Variants in TERF1 observed in about 807,000 individuals in gnomAD.
TERF1 encodes the protein telomeric repeat-binding factor 1.
In TERF1, 20 loss-of-function variants were observed where a neutral mutation model predicts 55.1. That is an observed-to-expected ratio of 0.36 (90% confidence interval 0.26 to 0.53). The LOEUF (loss-of-function observed/expected upper bound fraction) is 0.53, where lower values mean the gene tolerates loss of function less well. Ranked by LOEUF, TERF1 falls within the 20% of genes least tolerant of loss-of-function variation. The probability of loss-of-function intolerance (pLI) is 0.91; values close to 1 mark genes in which losing one functional copy is unlikely to be tolerated. For missense variants in TERF1, 439 were observed against 535.7 expected (o/e 0.82, Z 1.78); for synonymous variants, 168 against 181.2 (o/e 0.93, Z 0.59).
At chr8:73,016,738 C>G (rs562556566) in intron 2 of TERF1, among the ~76,000 whole-genome samples, 1 of 152,104 alleles carries the variant, frequency 6.6e-6, no homozygotes, top group East Asian at 1.9e-4. Context: ...ATTGCATTGC[C>G]GTGGAACTCA....
intron 3 of TERF1, 138 bp from the exon 4 acceptor site, chr8:73,022,078 T>C (rs1808783893): frequency 1.9e-6 from 1 of 533,280 alleles, no homozygotes; most frequent in Non-Finnish European, 3.3e-6. Flanking sequence ...TTTTATATCT[T>C]TTATCAAATT....
intron 2 of TERF1, among the ~76,000 whole-genome samples, chr8:73,017,215 G>A (rs554639614): frequency 2.0e-4 from 31 of 152,292 alleles, no homozygotes; most frequent in Middle Eastern, 3.4e-3. Flanking sequence ...ATACTTATTT[G>A]AAAATGTGTG....
chr8:73,041,764 T>A (rs1327943877), intron 9 of TERF1, among the ~76,000 whole-genome samples: 1 of 152,154 alleles, frequency 6.6e-6, no homozygotes, highest in Non-Finnish European at 1.5e-5. Flanking sequence ...GGAATTTTTG[T>A]GTAATCTTTA....
chr8:73,032,916 C>T (rs561390105), intron 8 of TERF1, among the ~76,000 whole-genome samples: 21 of 151,450 alleles, frequency 1.4e-4, no homozygotes, highest in South Asian at 4.2e-4. Context: ...ATGTTCACAA[C>T]GTGCAGGTTT....
rs1810068988 is a variant in TERF1, at chr8:73,047,085, T to C, written c.*948T>C. 1 of 152,154 alleles carries C rather than the reference T, an allele frequency of 6.6e-6. No homozygotes were observed. The highest frequency in any genetic ancestry group is 2.4e-5 in the African/African-American group (1 of 41,418). The allele number at this position is 152,154 out of a possible 1,614,324, so 9.4% of individuals were successfully genotyped here. Reference sequence around the variant, plus strand: ...CTTACCTACTGGGGACTGTGCTCACTACCTGGGTGACAGGATCATACGTAC... The same window carrying C: ...CTTACCTACTGGGGACTGTGCTCACCACCTGGGTGACAGGATCATACGTAC... On this transcript the variant is annotated 3_prime_UTR_variant, in exon 10 of 10. Transcript: ENST00000276603.
chr8:73,047,605 G>T lies in TERF1; in HGVS notation c.*1468G>T. 6.6e-6 allele frequency: 1 copy of T among 152,110 alleles called. No individual in the cohort carries two copies. The highest frequency in any genetic ancestry group is 1.5e-5 in the Non-Finnish European group (1 of 68,016). 9.4% of individuals were successfully genotyped at this position (152,110 alleles called of 1,614,324 possible). A position where few individuals can be genotyped will look rare whatever the true frequency, so the allele number is the denominator to read the frequency against. On this transcript the variant is annotated 3_prime_UTR_variant, in exon 10 of 10. Transcript: ENST00000276603. Reference sequence around the variant, plus strand: ...ATTTAGCAAGTGAGTAAAAATATTGGAATATTGAAGTATTTGCATAAAAAA... The same window carrying T: ...ATTTAGCAAGTGAGTAAAAATATTGTAATATTGAAGTATTTGCATAAAAAA...
At position 73,046,927 on chromosome 8, in the gene TERF1, A is replaced by G. The variant is rs1252418224; in HGVS notation, c.*790A>G. ...GAATGATAAATGTACAGAGTAACCT[A>G]TAAGCATGACATACTTTTGCTTTCA... is the stretch of plus-strand genomic sequence containing the variant. On this transcript the variant is annotated 3_prime_UTR_variant, in exon 10 of 10. Coordinates refer to ENST00000276603, the MANE Select transcript of TERF1 (RefSeq NM_017489.3). 6.6e-6 allele frequency: 1 copy of G among 152,212 alleles called. No individual in the cohort carries two copies. Among genetic ancestry groups the G allele is most frequent in the Non-Finnish European group, 1.5e-5 (1 of 68,046 alleles). The allele number at this position is 152,212 out of a possible 1,614,324, so 9.4% of individuals were successfully genotyped here. A position where few individuals can be genotyped will look rare whatever the true frequency, so the allele number is the denominator to read the frequency against.
chr8:73,011,901 T>C (rs1808296815), intron 1 of TERF1: 1 of 152,188 alleles, frequency 6.6e-6, no homozygotes, highest in Non-Finnish European at 1.5e-5. Flanking sequence ...ATGTGTTCAG[T>C]GGATTAGAAC....
chr8:73,009,517 T>A (rs1586021323), intron 1 of TERF1: 1 of 318,942 alleles, frequency 3.1e-6, no homozygotes, highest in East Asian at 6.8e-5. Flanking sequence ...TTTTGGCGCT[T>A]TCTACTCAGG....
intron 6 of TERF1, among the ~76,000 whole-genome samples, chr8:73,028,672 T>G (rs568590702): frequency 4.7e-4 from 72 of 151,650 alleles, no homozygotes; most frequent in Non-Finnish European, 6.9e-4. Context: ...AGAAGCTTTG[T>G]TCCTTCTATT....
rs561929393 is a variant in TERF1 at position 73,037,741 on chromosome 8, A to ATTATATAGTATAATAT, written c.1040-1374_1040-1373insTATATAGTATAATATT. Among the ~76,000 whole-genome samples the ATTATATAGTATAATAT allele has an allele frequency of 4.2e-4, 36 of 85,814 alleles. 1 individual carries two copies. Among genetic ancestry groups the ATTATATAGTATAATAT allele is most frequent in the African/African-American group, 1.8e-3 (36 of 19,934 alleles). 56.3% of individuals were successfully genotyped at this position (85,814 alleles called of 152,430 possible). A position where few individuals can be genotyped will look rare whatever the true frequency, so the allele number is the denominator to read the frequency against. On this transcript the variant is annotated intron_variant, in intron 8 of 9. Coordinates refer to ENST00000276603, the MANE Select transcript of TERF1 (RefSeq NM_017489.3). ...TAATATATATTATATAGTATGAAAT[A>ATTATATAGTATAATAT]TATATTATATATAATATTATATAGT...
intron 6 of TERF1, among the ~76,000 whole-genome samples, chr8:73,028,877 TGAGA>T (rs1809152060): frequency 6.6e-6 from 1 of 152,188 alleles, no homozygotes; most frequent in Non-Finnish European, 1.5e-5. Context: ...TTCAATAGAT[TGAGA>T]ATTATTTGAA....
Position 73,009,076 on chromosome 8 carries a change from G to A in TERF1, c.190G>A (p.Ala64Thr), listed in dbSNP as rs758151093. 9.9e-6 allele frequency: 16 copies of A among 1,609,328 alleles called. No homozygotes were observed. In the East Asian group the frequency reaches 2.9e-4, roughly 29 times the overall value. ...PEEEEEEEED[A>T]GLVAEAEAVA... is the part of the protein sequence containing the mutation. ...GGAGGAGGAGGAGGAGGAGGAGGAC[G>A]CGGGCCTGGTGGCCGAGGCCGAGGC... Residue 64 changes from alanine to threonine, a missense_variant, in exon 1 of 10, where the codon GCG becomes ACG. This residue lies in a region of TERF1 where 179 missense variants were observed against 152.6 expected (regional missense o/e 1.17). Coordinates refer to ENST00000276603, the MANE Select transcript of TERF1 (RefSeq NM_017489.3).
chr8:73,034,118 T>A (rs559333226), intron 8 of TERF1, among the ~76,000 whole-genome samples: 3 of 90,090 alleles, frequency 3.3e-5, no homozygotes, highest in African/African-American at 1.4e-4. Context: ...CACCCTGCTA[T>A]TTTTTTGTTT....
At chr8:73,023,729 T>A (rs1329741265) in intron 4 of TERF1, among the ~76,000 whole-genome samples, 1 of 152,186 alleles carries the variant, frequency 6.6e-6, no homozygotes, top group Non-Finnish European at 1.5e-5. Context: ...ATTAGGGCAA[T>A]ATTAAGTACT....
Position 73,027,942 on chromosome 8 carries a change from C to G in TERF1, c.887+890C>G, listed in dbSNP as rs149951193. 4.6e-3 allele frequency among the ~76,000 whole-genome samples: 702 copies of G among 152,244 alleles called. 1 individual carries two copies. Among genetic ancestry groups the G allele is most frequent in the Admixed American group, 6.0e-3 (91 of 15,288 alleles). ...GGCCCCTCCTATTGTTCCTGCCTGT[C>G]AAAGCATGACTTGTTCCTCAGGGGT... On this transcript the variant is annotated intron_variant, in intron 6 of 9. Transcript: ENST00000276603.
In TERF1 at chr8:73,009,157, C is replaced by T; in HGVS notation, c.271C>T (p.Arg91Cys). ...FLCLSLCRAF[R>C]DGRSEDFRRT... ...CTGCCTCTCTCTTTGCCGAGCTTTC[C>T]GCGACGGCCGCTCCGAGGACTTCCG... The change falls in exon 1 of 10, where the codon CGC becomes TGC. Residue 91 changes from arginine to cysteine, a missense_variant. Arg to Cys is a radical substitution (Grantham distance 180). Around this residue, in one of 4 missense-constraint regions of TERF1, gnomAD observed 179 missense variants for 152.6 expected, o/e 1.17. Transcript: ENST00000276603. 6.2e-7 allele frequency: 1 copy of T among 1,611,148 alleles called. No homozygotes were observed. Among genetic ancestry groups the T allele is most frequent in the Non-Finnish European group, 8.5e-7 (1 of 1,179,836 alleles).
intron 2 of TERF1, 133 bp downstream of exon 2, chr8:73,014,123 G>C: frequency 3.3e-6 from 2 of 597,914 alleles, no homozygotes; most frequent in South Asian, 2.1e-5. Context: ...GGGGGGTGGT[G>C]TGTGTGTGTG....
intron 8 of TERF1, among the ~76,000 whole-genome samples, chr8:73,037,656 TGTATA>T (rs1406521184): frequency 2.3e-5 from 2 of 87,022 alleles, no homozygotes; most frequent in Non-Finnish European, 4.1e-5. Flanking sequence ...ATATATTATA[TGTATA>T]ATAATATTAT....
Sources: gnomAD v4.1 joint callset for allele counts (sites outside exome capture counted in the v4.1 genomes callset) on GRCh38, gnomAD v4.1.1 for gene constraint, gnomAD v4.1.1 regional missense constraint, MANE v1.5 for transcripts, NCBI Gene and HGNC (gene_info 2026-07-23, HGNC 2026-07-21) for gene names.